C11orf65: variants seen among roughly 807,000 people sequenced by gnomAD.
C11orf65 encodes protein MFI.
C11orf65 carries 38 observed loss-of-function variants against 35.3 expected under a neutral mutation model. The ratio of observed to expected loss-of-function variants is 1.08; its 90% CI spans 0.83 to 1.41. The LOEUF (loss-of-function observed/expected upper bound fraction) is 1.41, where lower values mean the gene tolerates loss of function less well. Among genes scored for constraint, C11orf65 ranks in the 40% most tolerant of loss-of-function variants. C11orf65 has a pLI of 0.00. For missense variants in C11orf65, 370 were observed against 367.1 expected (o/e 1.01, Z -0.06); for synonymous variants, 105 against 114.4 (o/e 0.92, Z 0.53).
At chr11:108,337,169 T>C (rs1406789737) in intron 2 of C11orf65, among the ~76,000 whole-genome samples, 2 of 152,218 alleles carry the variant, frequency 1.3e-5, no homozygotes, top group African/African-American at 4.8e-5. Flanking sequence ...GGTTTTGAGC[T>C]TCTTAACTGC....
At chr11:108,363,455 C>G (rs879476209) in intron 2 of C11orf65, among the ~76,000 whole-genome samples, 4 of 152,216 alleles carry the variant, frequency 2.6e-5, no homozygotes, top group Admixed American at 2.0e-4. Context: ...ATCTCTCCCT[C>G]TAACTCAGTG....
intron 2 of C11orf65, among the ~76,000 whole-genome samples, chr11:108,439,453 T>C (rs1295639619): frequency 6.6e-6 from 1 of 152,206 alleles, no homozygotes; most frequent in Non-Finnish European, 1.5e-5. Flanking sequence ...TTGAATTACA[T>C]AATCCAGCAA....
At chr11:108,464,563 T>C (rs1317529903) in intron 1 of C11orf65, among the ~76,000 whole-genome samples, 2 of 152,150 alleles carry the variant, frequency 1.3e-5, no homozygotes, top group Admixed American at 1.3e-4. Flanking sequence ...GGTTTCACCA[T>C]GTTGGTCAGA....
chr11:108,329,649 G>A (rs866518894), downstream of C11orf65, among the ~76,000 whole-genome samples: 15 of 152,232 alleles, frequency 9.9e-5, no homozygotes, highest in African/African-American at 2.9e-4. Context: ...GGGCTCAAAC[G>A]ATCTGCCCAC....
intron 5 of C11orf65, among the ~76,000 whole-genome samples, chr11:108,406,098 C>G (rs114836951): frequency 6.6e-6 from 1 of 152,258 alleles, no homozygotes; most frequent in African/African-American, 2.4e-5. Context: ...TATATTTGCC[C>G]TTATTAAACC....
chr11:108,376,140 T>C (rs2091718404), intron 2 of C11orf65, among the ~76,000 whole-genome samples: 1 of 152,124 alleles, frequency 6.6e-6, no homozygotes, highest in South Asian at 2.1e-4. Flanking sequence ...GCGGACCTAA[T>C]AGACATCTAC....
chr11:108,343,417 G>A (rs369998670), intron 2 of C11orf65: 1 of 1,601,504 alleles, frequency 6.2e-7, no homozygotes, highest in Non-Finnish European at 8.6e-7. Flanking sequence ...TTATTTAATG[G>A]CTTATTAAAG....
chr11:108,358,498 T>C (rs2090314124), intron 2 of C11orf65, among the ~76,000 whole-genome samples: 1 of 149,228 alleles, frequency 6.7e-6, no homozygotes, highest in Non-Finnish European at 1.5e-5. Context: ...AATTGTCAGA[T>C]TCACCAAAGT....
intron 3 of C11orf65, among the ~76,000 whole-genome samples, chr11:108,334,325 T>C (rs758437754): frequency 1.3e-5 from 2 of 152,216 alleles, no homozygotes; most frequent in African/African-American, 4.8e-5. Flanking sequence ...AAAAATTCTA[T>C]GTGCAGTAAA....
At chr11:108,441,741 C>T (rs991051932) in intron 2 of C11orf65, among the ~76,000 whole-genome samples, 3 of 152,238 alleles carry the variant, frequency 2.0e-5, no homozygotes, top group African/African-American at 4.8e-5. Flanking sequence ...CAAAGTCCAA[C>T]AGACCTGCAG....
intron 2 of C11orf65, among the ~76,000 whole-genome samples, chr11:108,452,644 T>A (rs2093363594): frequency 6.6e-6 from 1 of 152,194 alleles, no homozygotes; most frequent in African/African-American, 2.4e-5. Context: ...GCCATCCCAT[T>A]ACTGGGTGTA....
intron 3 of C11orf65, among the ~76,000 whole-genome samples, chr11:108,421,850 G>C (rs1338886619): frequency 6.6e-6 from 1 of 152,154 alleles, no homozygotes; most frequent in African/African-American, 2.4e-5. Flanking sequence ...AAGTTTAGTA[G>C]CCTTTTTCTC....
rs1263398076 is a variant in C11orf65 at position 108,320,030 on chromosome 11, A to G, written c.641-10959T>C. On this transcript the variant is annotated intron_variant, in intron 6 of 6. Coordinates refer to the C11orf65 transcript ENST00000525729. ...ATCTCTAAGAGACAGAGAATTCTCT[A>G]CATTTTATGAAAGTCTCAAATATGC... is the stretch of plus-strand genomic sequence containing the variant. 1 of 1,607,864 alleles carries G rather than the reference A, an allele frequency of 6.2e-7. No homozygotes were observed. The highest frequency in any genetic ancestry group is 8.5e-7 in the Non-Finnish European group (1 of 1,174,418).
intron 2 of C11orf65, among the ~76,000 whole-genome samples, chr11:108,370,390 T>C (rs535872414): frequency 6.6e-6 from 1 of 152,138 alleles, no homozygotes; most frequent in African/African-American, 2.4e-5. Context: ...TTGGATTTTC[T>C]ATGTATATAA....
intron 2 of C11orf65, among the ~76,000 whole-genome samples, chr11:108,373,062 G>A (rs959415581): frequency 1.3e-5 from 2 of 151,894 alleles, no homozygotes; most frequent in African/African-American, 4.8e-5. Flanking sequence ...CTCGGTGACA[G>A]AGTGAGACTG....
Position 108,345,869 on chromosome 11 carries a change from C to T in C11orf65, c.227-10577G>A, listed in dbSNP as rs587778080. On this transcript the variant is annotated intron_variant, in intron 2 of 3. Transcript: ENST00000524755. The stretch of plus-strand genomic sequence containing the variant: ...GGATCCAGCTATTTGGTTTGAGAAG[C>T]GATTGGCTTATACGCGCAGTGTAGC... 3 of 1,613,682 alleles carry T rather than the reference C, an allele frequency of 1.9e-6. No individual in the cohort carries two copies. Among genetic ancestry groups the T allele is most frequent in the African/African-American group, 2.7e-5 (2 of 74,894 alleles).
rs1019666913 is a variant in C11orf65, at chr11:108,358,250, G to T, written c.227-22958C>A. ...CGAGAAGGGAAGTTCAGAGAAAAAA[G>T]AATAAAAAGAAATGAGCAAAGCCTC... On this transcript the variant is annotated intron_variant, in intron 2 of 3. Transcript: ENST00000524755. 2.1e-4 allele frequency among the ~76,000 whole-genome samples: 32 copies of T among 150,398 alleles called. 2 individuals carry two copies. In the East Asian group the frequency reaches 5.3e-3, roughly 25 times the overall value.
In C11orf65 at chr11:108,453,065, C is replaced by T. The variant is rs1045629947; in HGVS notation, c.81+8414G>A. On this transcript the variant is annotated intron_variant, in intron 2 of 8. Coordinates refer to ENST00000393084, the MANE Select transcript of C11orf65 (RefSeq NM_152587.5). ...ACCTAATGTAAACGATGAGTTAATGCGTGCAGCACACCAACATGGCACATG... is the reference window on the plus strand; with the variant it reads ...ACCTAATGTAAACGATGAGTTAATGTGTGCAGCACACCAACATGGCACATG... 5.4e-5 allele frequency among the ~76,000 whole-genome samples: 8 copies of T among 148,752 alleles called. No individual in the cohort carries two copies. In the South Asian group the frequency reaches 1.3e-3, roughly 24 times the overall value.
intron 6 of C11orf65, among the ~76,000 whole-genome samples, chr11:108,324,056 G>GA (rs10708230): frequency 6.6e-6 from 1 of 151,952 alleles, no homozygotes; most frequent in African/African-American, 2.4e-5. Context: ...AAAAATATTT[G>GA]AAAAAAAAAT....
Sources: allele counts gnomAD v4.1 joint callset (sites outside exome capture counted in the v4.1 genomes callset), GRCh38; gene constraint gnomAD v4.1.1; transcripts MANE v1.5; gene names NCBI Gene and HGNC (gene_info 2026-07-23, HGNC 2026-07-21).